KRT8: variants seen among roughly 807,000 people sequenced by gnomAD.
KRT8 encodes the protein keratin, type II cytoskeletal 8.
A neutral mutation model predicts 43.0 loss-of-function variants in KRT8; 24 were observed. The ratio of observed to expected loss-of-function variants is 0.56; its 90% CI spans 0.40 to 0.78. The LOEUF (loss-of-function observed/expected upper bound fraction) is 0.78, where lower values mean the gene tolerates loss of function less well. Ranked by LOEUF, KRT8 falls within the 30% of genes least tolerant of loss-of-function variation. The pLI is 0.00. For missense variants in KRT8, 492 were observed against 638.4 expected (o/e 0.77, Z 2.47); for synonymous variants, 214 against 261.2 (o/e 0.82, Z 1.74).
upstream of KRT8, chr12:52,906,991 T>TACAC (rs112479898): frequency 0.11 from 31,091 of 292,198 alleles, 2,484 homozygotes; most frequent in East Asian, 0.31. Flanking sequence ...CACGCGTGCA[T>TACAC]ACACACACAC....
chr12:52,910,036 T>A (rs1364768874), upstream of KRT8, among the ~76,000 whole-genome samples: 1 of 152,010 alleles, frequency 6.6e-6, no homozygotes, highest in East Asian at 1.9e-4. Context: ...CCTCCCAAAG[T>A]ACTAGGGTTA....
upstream of KRT8, among the ~76,000 whole-genome samples, chr12:52,908,197 T>C (rs893074743): frequency 6.6e-6 from 1 of 151,944 alleles, no homozygotes; most frequent in Non-Finnish European, 1.5e-5. Context: ...TCATCACTCA[T>C]GATCATGGGA....
At position 52,933,486 on chromosome 12, in the gene KRT8, AC is replaced by A. The variant is rs147504498; in HGVS notation, c.-47+15969del. 1.6e-4 allele frequency among the ~76,000 whole-genome samples: 25 copies of A among 152,318 alleles called. No individual in the cohort carries two copies. The East Asian group carries it at 4.6e-3, about 28-fold the overall frequency. On this transcript the variant is annotated intron_variant, in intron 2 of 6. Coordinates refer to the KRT8 transcript ENST00000546826. ...CTCAATGTTGTTAAGATGCTAACTC[AC>A]TTGGAATTGATCTGCAAGTTTAATG...
chr12:52,942,180 CAGG>C (rs1236114341), intron 2 of KRT8, among the ~76,000 whole-genome samples: 1 of 152,064 alleles, frequency 6.6e-6, no homozygotes, highest in East Asian at 1.9e-4. Context: ...ATGATTCTTC[CAGG>C]AGGAGGAGGC....
upstream of KRT8, among the ~76,000 whole-genome samples, chr12:52,911,759 G>A (rs764800450): frequency 6.6e-6 from 1 of 152,150 alleles, no homozygotes; most frequent in Non-Finnish European, 1.5e-5. Flanking sequence ...TGGGCCGGGC[G>A]TGGTGGCTCA....
At chr12:52,931,657 C>CATAT (rs34460731) in intron 2 of KRT8, among the ~76,000 whole-genome samples, 3,540 of 147,086 alleles carry the variant, frequency 0.024, 66 homozygotes, top group South Asian at 0.055. Flanking sequence ...ATTGGCTCCC[C>CATAT]ATATATATAT....
intron 2 of KRT8, among the ~76,000 whole-genome samples, chr12:52,923,919 G>A (rs759653913): frequency 5.1e-4 from 75 of 148,226 alleles, no homozygotes; most frequent in South Asian, 1.1e-3. Context: ...ATCACTGCTC[G>A]CTGCAACCTC....
At chr12:52,911,709 C>T (rs1941639560), upstream of KRT8, among the ~76,000 whole-genome samples, 1 of 152,088 alleles carries the variant, frequency 6.6e-6, no homozygotes, top group Non-Finnish European at 1.5e-5. Context: ...AACCACTATA[C>T]ACACTTCCAG....
intron 2 of KRT8, among the ~76,000 whole-genome samples, chr12:52,943,965 T>C (rs1218551867): frequency 6.6e-6 from 1 of 152,098 alleles, no homozygotes; most frequent in African/African-American, 2.4e-5. Flanking sequence ...CCTGAGCCCA[T>C]GTTAGATGGA....
chr12:52,943,622 G>A (rs891309917), intron 2 of KRT8, among the ~76,000 whole-genome samples: 6 of 152,228 alleles, frequency 3.9e-5, no homozygotes, highest in African/African-American at 9.6e-5. Context: ...CCCGTTGCAC[G>A]TGGCCGTGCA....
intron 2 of KRT8, among the ~76,000 whole-genome samples, chr12:52,918,227 A>AAGG (rs1941812446): frequency 1.4e-5 from 2 of 146,188 alleles, no homozygotes; most frequent in Non-Finnish European, 3.1e-5. Flanking sequence ...GAAGAAGAAG[A>AAGG]AGAAGAAGAA....
chr12:52,947,814 G>A (rs1186827975), intron 2 of KRT8: 1 of 146,312 alleles, frequency 6.8e-6, no homozygotes, highest in Non-Finnish European at 1.5e-5. Context: ...GCCTCCCAAA[G>A]TGCTTGGATT....
At chr12:52,918,229 G>C (rs964402409) in intron 2 of KRT8, among the ~76,000 whole-genome samples, 11 of 151,338 alleles carry the variant, frequency 7.3e-5, no homozygotes, top group Non-Finnish European at 1.5e-4. Flanking sequence ...AGAAGAAGAA[G>C]AAGAAGAAGA....
At chr12:52,922,005 C>T (rs1291756327) in intron 2 of KRT8, among the ~76,000 whole-genome samples, 1 of 151,268 alleles carries the variant, frequency 6.6e-6, no homozygotes, top group East Asian at 2.0e-4. Context: ...GTCTATACCC[C>T]TCTCCCCCAC....
chr12:52,947,291 G>A (rs1329118390), intron 2 of KRT8: 3 of 152,142 alleles, frequency 2.0e-5, no homozygotes, highest in East Asian at 3.9e-4. Context: ...GCAGTCCCCT[G>A]GGGCCAGGCT....
intron 2 of KRT8, among the ~76,000 whole-genome samples, chr12:52,915,110 A>C (rs1941709105): frequency 6.6e-6 from 1 of 152,188 alleles, no homozygotes; most frequent in African/African-American, 2.4e-5. Context: ...GCGGTGGCTC[A>C]CGCCTGTAAT....
chr12:52,923,655 T>A (rs1222446821), intron 2 of KRT8, among the ~76,000 whole-genome samples: 1 of 151,940 alleles, frequency 6.6e-6, no homozygotes, highest in East Asian at 1.9e-4. Context: ...CCTGACCTCG[T>A]GATCCGCCCG....
chr12:52,941,116 G>A (rs1210134023), intron 2 of KRT8, among the ~76,000 whole-genome samples: 1 of 150,596 alleles, frequency 6.6e-6, no homozygotes, highest in Non-Finnish European at 1.5e-5. Flanking sequence ...GCCCAGGCTG[G>A]AGTGCAATGG....
intron 2 of KRT8, among the ~76,000 whole-genome samples, chr12:52,925,201 T>G (rs565677807): frequency 6.6e-6 from 1 of 152,064 alleles, no homozygotes; most frequent in Non-Finnish European, 1.5e-5. Context: ...AAAGACTGAG[T>G]AAGACAAGGT....
Sources: allele counts gnomAD v4.1 joint callset (sites outside exome capture counted in the v4.1 genomes callset), GRCh38; gene constraint gnomAD v4.1.1; transcripts MANE v1.5; gene names NCBI Gene and HGNC (gene_info 2026-07-23, HGNC 2026-07-21).